PCDH9: variants seen among roughly 807,000 people sequenced by gnomAD.
PCDH9 encodes protocadherin 9, also known as protocadherin-9.
In PCDH9, 24 loss-of-function variants were observed where a neutral mutation model predicts 70.6. The ratio of observed to expected loss-of-function variants is 0.34; its 90% CI spans 0.25 to 0.48. PCDH9 has a LOEUF of 0.48. PCDH9 is among the 20% of genes least tolerant of loss of function. The pLI is 0.99. For missense variants in PCDH9, 1,281 were observed against 1,503.6 expected, an observed-to-expected ratio of 0.85 and a Z score of 2.45; for synonymous variants, 562 against 558.5, an observed-to-expected ratio of 1.01 and a Z score of -0.09.
intron 4 of PCDH9, among the ~76,000 whole-genome samples, chr13:66,432,538 T>A (rs1957790501): frequency 6.6e-6 from 1 of 152,000 alleles, no homozygotes; most frequent in African/African-American, 2.4e-5. Flanking sequence ...AAATAATGTT[T>A]CATCATGAAA....
At chr13:67,127,293 G>A (rs1315728493) in intron 2 of PCDH9, among the ~76,000 whole-genome samples, 1 of 152,102 alleles carries the variant, frequency 6.6e-6, no homozygotes, top group African/African-American at 2.4e-5. Context: ...CTCATCCAAG[G>A]CCACTTTGTG....
intron 2 of PCDH9, among the ~76,000 whole-genome samples, chr13:67,055,437 A>G (rs1033159879): frequency 2.6e-5 from 4 of 152,190 alleles, no homozygotes; most frequent in African/African-American, 9.6e-5. Flanking sequence ...CTTTAAGTGG[A>G]CAATACTCCC....
At chr13:66,329,750 T>C (rs1955906894) in intron 4 of PCDH9, among the ~76,000 whole-genome samples, 1 of 152,178 alleles carries the variant, frequency 6.6e-6, no homozygotes, top group Non-Finnish European at 1.5e-5. Flanking sequence ...GTTGTGAAGT[T>C]TGTTTGTAAA....
intron 3 of PCDH9, among the ~76,000 whole-genome samples, chr13:66,658,550 T>C (rs1411656539): frequency 6.6e-6 from 1 of 152,154 alleles, no homozygotes. Flanking sequence ...ACATGAGTTA[T>C]CTTCAGATTT....
At chr13:66,848,808 G>A (rs1031633474) in intron 3 of PCDH9, among the ~76,000 whole-genome samples, 22 of 151,648 alleles carry the variant, frequency 1.5e-4, no homozygotes, top group African/African-American at 4.8e-4. Context: ...GGCAACTGTA[G>A]TCCCAGCTAC....
chr13:66,560,391 G>C (rs2875479), intron 4 of PCDH9, among the ~76,000 whole-genome samples: 145,735 of 151,962 alleles, frequency 0.96, 70,219 homozygotes, highest in East Asian at 1. Flanking sequence ...AGTGGATCCA[G>C]TGGCCCTGAG....
chr13:66,636,574 A>C (rs187435149), intron 3 of PCDH9, among the ~76,000 whole-genome samples: 79 of 152,282 alleles, frequency 5.2e-4, no homozygotes, highest in African/African-American at 1.9e-3. Context: ...TGATATTATG[A>C]AAATAGAAAC....
chr13:67,049,975 C>T (rs374884528), intron 2 of PCDH9, among the ~76,000 whole-genome samples: 1 of 152,090 alleles, frequency 6.6e-6, no homozygotes, highest in South Asian at 2.1e-4. Context: ...ATAGTAAATT[C>T]GGAGGGAATC....
chr13:67,202,274 G>C (rs1425636356), intron 2 of PCDH9: 1 of 151,906 alleles, frequency 6.6e-6, no homozygotes, highest in Non-Finnish European at 1.5e-5. Context: ...ATCTGGCTCT[G>C]TCTACAAAAA....
At chr13:66,507,137 T>G (rs1959229561) in intron 4 of PCDH9, among the ~76,000 whole-genome samples, 2 of 152,202 alleles carry the variant, frequency 1.3e-5, no homozygotes, top group Non-Finnish European at 2.9e-5. Context: ...CCCCCTGCTG[T>G]AATATTATTC....
At chr13:66,355,965 G>A (rs534481023) in intron 4 of PCDH9, among the ~76,000 whole-genome samples, 49 of 152,078 alleles carry the variant, frequency 3.2e-4, no homozygotes, top group African/African-American at 1.2e-3. Flanking sequence ...TACCCCAAAT[G>A]ACTCTCAAGC....
At chr13:67,075,347 C>T (rs763356361) in intron 2 of PCDH9, among the ~76,000 whole-genome samples, 50 of 151,936 alleles carry the variant, frequency 3.3e-4, no homozygotes, top group South Asian at 8.3e-4. Flanking sequence ...AAAAAGGAAA[C>T]GAACTGAGAA....
At chr13:66,718,994 T>G (rs556467765) in intron 3 of PCDH9, among the ~76,000 whole-genome samples, 51 of 152,302 alleles carry the variant, frequency 3.3e-4, no homozygotes, top group African/African-American at 1.2e-3. Flanking sequence ...CATTGTTGAG[T>G]TATTTCACAT....
intron 4 of PCDH9, among the ~76,000 whole-genome samples, chr13:66,436,292 T>C (rs1957867159): frequency 6.6e-6 from 1 of 152,138 alleles, no homozygotes; most frequent in Non-Finnish European, 1.5e-5. Flanking sequence ...TTTTGTTTCT[T>C]TGCCATTCTA....
chr13:66,459,269 G>T (rs561748088), intron 4 of PCDH9, among the ~76,000 whole-genome samples: 12 of 152,062 alleles, frequency 7.9e-5, no homozygotes, highest in African/African-American at 2.9e-4. Flanking sequence ...CTGCTTCAGG[G>T]ATGTTTATAG....
intron 4 of PCDH9, among the ~76,000 whole-genome samples, chr13:66,375,698 C>T (rs1051494658): frequency 6.6e-6 from 1 of 151,958 alleles, no homozygotes. Context: ...TATTTTATAA[C>T]CATGAATTTA....
chr13:66,663,675 G>A (rs570956917), intron 3 of PCDH9, among the ~76,000 whole-genome samples: 2 of 152,200 alleles, frequency 1.3e-5, no homozygotes, highest in African/African-American at 2.4e-5. Flanking sequence ...AGAGATTCTC[G>A]ATATAAAAAT....
chr13:66,801,695 G>T (rs2080329395), intron 3 of PCDH9, among the ~76,000 whole-genome samples: 1 of 151,970 alleles, frequency 6.6e-6, no homozygotes, highest in African/African-American at 2.4e-5. Flanking sequence ...GAATGTTCAG[G>T]ATTAACTATC....
At chr13:66,498,466 T>A (rs1394651096) in intron 4 of PCDH9, among the ~76,000 whole-genome samples, 2 of 151,806 alleles carry the variant, frequency 1.3e-5, no homozygotes, top group Admixed American at 1.3e-4. Flanking sequence ...GCAAGGAGTG[T>A]TGAAAGAATA....
Sources: allele counts gnomAD v4.1 joint callset (sites outside exome capture counted in the v4.1 genomes callset), GRCh38; gene constraint gnomAD v4.1.1; transcripts MANE v1.5; gene names NCBI Gene and HGNC (gene_info 2026-07-23, HGNC 2026-07-21).